The following COL23A1 variants were observed in gnomAD, a reference collection of about 807,000 sequenced individuals.
COL23A1 encodes collagen type XXIII alpha 1 chain.
Under a neutral mutation model 99.3 loss-of-function variants are expected in COL23A1, and 97 were observed. The ratio of observed to expected loss-of-function variants is 0.98; its 90% confidence interval spans 0.83 to 1.16. The LOEUF (loss-of-function observed/expected upper bound fraction) is 1.16. COL23A1 is among the 50% of genes most tolerant of loss of function. COL23A1 has a pLI of 0.00. For synonymous variants in COL23A1, 320 were observed against 308.2 expected (o/e 1.04, Z -0.40); for missense variants, 762 against 757.4 (o/e 1.01, Z -0.07).
At chr5:178,507,803 T>C (rs1206220448) in intron 2 of COL23A1, among the ~76,000 whole-genome samples, 2 of 152,218 alleles carry the variant, frequency 1.3e-5, no homozygotes, top group African/African-American at 4.8e-5. Context: ...TGATGTGGAT[T>C]TCTTTTTGTT....
intron 2 of COL23A1, among the ~76,000 whole-genome samples, chr5:178,455,628 G>T (rs10078495): frequency 1.3e-5 from 2 of 152,012 alleles, no homozygotes; most frequent in African/African-American, 4.8e-5. Context: ...GCATGACACC[G>T]GCCCTCCCTG....
rs886105426 is a variant in COL23A1 at position 178,541,666 on chromosome 5, C to T, written c.361+19016G>A. Among the ~76,000 whole-genome samples the T allele has an allele frequency of 7.9e-5, 12 of 152,296 alleles. No individual in the cohort carries two copies. The East Asian group carries it at 1.5e-3, about 20-fold the overall frequency. Reference sequence around the variant, plus strand: ...GGTTTGTACACAACAGAAATGCATACGTATGTTCACTGAAAGACATATACT... The same window carrying T: ...GGTTTGTACACAACAGAAATGCATATGTATGTTCACTGAAAGACATATACT... On this transcript the variant is annotated intron_variant, in intron 2 of 28. Coordinates refer to ENST00000390654, the MANE Select transcript of COL23A1 (RefSeq NM_173465.4).
At chr5:178,514,119 T>C (rs1759372274) in intron 2 of COL23A1, among the ~76,000 whole-genome samples, 1 of 152,206 alleles carries the variant, frequency 6.6e-6, no homozygotes, top group Non-Finnish European at 1.5e-5. Context: ...TCTTGATGAA[T>C]TTGATGGCTC....
chr5:178,534,408 G>A (rs965077775), intron 2 of COL23A1, among the ~76,000 whole-genome samples: 2 of 152,146 alleles, frequency 1.3e-5, no homozygotes, highest in African/African-American at 2.4e-5. Context: ...AATTCGCAGG[G>A]ACATAAAACT....
intron 5 of COL23A1, among the ~76,000 whole-genome samples, chr5:178,272,481 G>C (rs1756346393): frequency 6.6e-6 from 1 of 152,206 alleles, no homozygotes; most frequent in East Asian, 1.9e-4. Flanking sequence ...TTGGCCATCA[G>C]AGTGATGGCC....
At chr5:178,520,991 T>C (rs1728361334) in intron 2 of COL23A1, among the ~76,000 whole-genome samples, 1 of 152,198 alleles carries the variant, frequency 6.6e-6, no homozygotes, top group African/African-American at 2.4e-5. Context: ...TAGCATGTAC[T>C]TACACAAACC....
chr5:178,531,790 G>A (rs1273511584), intron 2 of COL23A1, among the ~76,000 whole-genome samples: 1 of 152,260 alleles, frequency 6.6e-6, no homozygotes, highest in Admixed American at 6.5e-5. Context: ...CCCTTGCTGC[G>A]AGCGAGTGCA....
Position 178,415,374 on chromosome 5 carries a change from G to A in COL23A1, c.362-108455C>T, listed in dbSNP as rs1400613366. ...GTAAACACTGTGCTCCAAATCAGTC[G>A]AACGTCTAAAAACCGTCCTGCCCCC... On this transcript the variant is annotated intron_variant, in intron 2 of 28. Coordinates refer to ENST00000390654, the MANE Select transcript of COL23A1 (RefSeq NM_173465.4). The surrounding 1 kb of genome is among the most constrained non-coding windows in gnomAD (Gnocchi z 4.6). 1.3e-5 allele frequency among the ~76,000 whole-genome samples: 2 copies of A among 152,180 alleles called. No homozygotes were observed. Among genetic ancestry groups the A allele is most frequent in the Non-Finnish European group, 2.9e-5 (2 of 68,028 alleles).
chr5:178,547,636 C>A (rs566870136), intron 2 of COL23A1, among the ~76,000 whole-genome samples: 1 of 4,490 alleles, frequency 2.2e-4, no homozygotes, highest in African/African-American at 5.7e-4. Flanking sequence ...ACCCACACCC[C>A]CCCACACACA....
intron 2 of COL23A1, among the ~76,000 whole-genome samples, chr5:178,337,237 G>A (rs1024318197): frequency 2.6e-5 from 4 of 152,350 alleles, no homozygotes; most frequent in East Asian, 3.9e-4. Flanking sequence ...TTGCTGGAGC[G>A]CAGAGACCCG....
intron 5 of COL23A1, among the ~76,000 whole-genome samples, chr5:178,271,161 T>C (rs1260942507): frequency 1.3e-5 from 2 of 152,110 alleles, no homozygotes; most frequent in Non-Finnish European, 2.9e-5. Context: ...CCTGTCCACC[T>C]ACCACTCACT....
chr5:178,405,061 G>A (rs920901151), intron 2 of COL23A1, among the ~76,000 whole-genome samples: 2 of 152,204 alleles, frequency 1.3e-5, no homozygotes, highest in African/African-American at 4.8e-5. Flanking sequence ...GCTTGGCCAG[G>A]TGACCCCCTA....
chr5:178,366,267 G>A lies in COL23A1; in HGVS notation c.362-59348C>T, dbSNP rs1333515121. Among the ~76,000 whole-genome samples, 1 of 152,230 alleles carries A rather than the reference G, an allele frequency of 6.6e-6. No homozygotes were observed. Among genetic ancestry groups the A allele is most frequent in the Non-Finnish European group, 1.5e-5 (1 of 68,042 alleles). ...GCCCAGCTTGGCTGTCCAGTGGGGAGGGGCACCGCTGCCTTGCCCGAGGTT... is the reference window on the plus strand; with the variant it reads ...GCCCAGCTTGGCTGTCCAGTGGGGAAGGGCACCGCTGCCTTGCCCGAGGTT... On this transcript the variant is annotated intron_variant, in intron 2 of 28. Coordinates refer to ENST00000390654, the MANE Select transcript of COL23A1 (RefSeq NM_173465.4). The surrounding 1 kb of genome is among the most constrained non-coding windows in gnomAD (Gnocchi z 4.4).
chr5:178,335,681 C>T (rs145785718), intron 2 of COL23A1, among the ~76,000 whole-genome samples: 459 of 152,326 alleles, frequency 3.0e-3, no homozygotes, highest in Non-Finnish European at 5.2e-3. Context: ...GAGTTTCTGC[C>T]TTGCCTGCTT....
rs549959769 is a variant in COL23A1 at position 178,337,588 on chromosome 5, C to T, written c.362-30669G>A. Among the ~76,000 whole-genome samples, 5 of 152,166 alleles carry T rather than the reference C, an allele frequency of 3.3e-5. No homozygotes were observed. In the East Asian group the frequency reaches 9.7e-4, roughly 30 times the overall value. On this transcript the variant is annotated intron_variant, in intron 2 of 28. Transcript: ENST00000390654. The stretch of plus-strand genomic sequence containing the variant: ...CATCCTTCCAGGGCCAGACTCCCTG[C>T]TCTGGGGGTAGGTGGGCTCTGCCGG...
At position 178,545,524 on chromosome 5, in the gene COL23A1, G is replaced by A. The variant is rs537306223; in HGVS notation, c.361+15158C>T. ...CAAGAGCCTTTGGGAAACTGCAAGG[G>A]GACACGGAAGAAAAGGACTTTAACA... On this transcript the variant is annotated intron_variant, in intron 2 of 28. Coordinates refer to ENST00000390654, the MANE Select transcript of COL23A1 (RefSeq NM_173465.4). 8.5e-5 allele frequency among the ~76,000 whole-genome samples: 13 copies of A among 152,266 alleles called. 1 individual carries two copies. In the South Asian group the frequency reaches 2.7e-3, roughly 32 times the overall value.
intron 2 of COL23A1, among the ~76,000 whole-genome samples, chr5:178,449,604 A>T (rs1482423507): frequency 2.0e-5 from 3 of 151,878 alleles, no homozygotes; most frequent in African/African-American, 7.3e-5. Context: ...AGACAGGATA[A>T]TTAAAGGTAG....
intron 2 of COL23A1, among the ~76,000 whole-genome samples, chr5:178,425,500 C>T (rs1037890250): frequency 1.3e-4 from 19 of 151,974 alleles, no homozygotes; most frequent in African/African-American, 4.6e-4. Context: ...GGCTGTTTCC[C>T]GCGCTCACCT....
chr5:178,573,291 G>A (rs911741780), intron 1 of COL23A1, among the ~76,000 whole-genome samples: 24 of 152,346 alleles, frequency 1.6e-4, no homozygotes, highest in Admixed American at 3.9e-4. Flanking sequence ...GTGTGTCCTG[G>A]GTACAGAAGG....
Sources: allele counts gnomAD v4.1 joint callset (sites outside exome capture counted in the v4.1 genomes callset), GRCh38; gene constraint gnomAD v4.1.1; non-coding constraint Gnocchi (gnomAD v3.1); transcripts MANE v1.5; gene names NCBI Gene and HGNC (gene_info 2026-07-23, HGNC 2026-07-21).